The following MYLK3 variants were observed in gnomAD, a reference collection of about 807,000 sequenced individuals.
MYLK3 encodes MLC kinase.
Under a neutral mutation model 76.3 loss-of-function variants are expected in MYLK3, and 55 were observed. The ratio of observed to expected loss-of-function variants is 0.72; its 90% confidence interval spans 0.58 to 0.90. The LOEUF is 0.90. MYLK3 is among the 40% of genes least tolerant of loss of function. The probability of loss-of-function intolerance (pLI) is 0.00; values close to 1 mark genes in which losing one functional copy is unlikely to be tolerated. For missense variants in MYLK3, 973 were observed against 1,053.6 expected (o/e 0.92, Z 1.06); for synonymous variants, 416 against 425.4 (o/e 0.98, Z 0.27).
chr16:46,744,827 C>T (rs1596772086), intron 1 of MYLK3, among the ~76,000 whole-genome samples: 1 of 152,074 alleles, frequency 6.6e-6, no homozygotes, highest in African/African-American at 2.4e-5. Flanking sequence ...TAGTAAGACC[C>T]TGTCTCTAAA....
Position 46,712,787 on chromosome 16 carries a change from G to T in MYLK3, c.1986-11C>A, listed in dbSNP as rs1199646966. The T allele has an allele frequency of 1.3e-6, 2 of 1,581,692 alleles. No homozygotes were observed. Among genetic ancestry groups the T allele is most frequent in the Admixed American group, 3.6e-5 (2 of 55,630 alleles). On this transcript the variant is annotated splice_polypyrimidine_tract_variant and intron_variant, in intron 9 of 12. Transcript: ENST00000394809. ...TCTCGAGGCTTGTACCTGGGGAGAA[G>T]GGGAGGGTACAAAGAAGCATGGGGT...
In MYLK3 at chr16:46,721,146, G is replaced by A. The variant is rs1174426871; in HGVS notation, c.1962C>T (p.Ile654=). 2 of 1,614,160 alleles carry A rather than the reference G, an allele frequency of 1.2e-6. No homozygotes were observed. Among genetic ancestry groups the A allele is most frequent in the Admixed American group, 1.7e-5 (1 of 60,020 alleles). The change falls in exon 9 of 13, where the codon ATC becomes ATT. Residue 654 remains isoleucine, a synonymous_variant. Transcript: ENST00000394809. ...CVNQTGHQIK[I]IDFGLARRYK... Reference sequence around the variant, plus strand: ...ACCTTCTGGCCAGCCCAAAGTCAATGATCTTAATTTGATGTCCTGTCTGAT... The same window carrying A: ...ACCTTCTGGCCAGCCCAAAGTCAATAATCTTAATTTGATGTCCTGTCTGAT...
chr16:46,711,989 A>T (rs867969358), intron 10 of MYLK3, among the ~76,000 whole-genome samples: 15 of 116,372 alleles, frequency 1.3e-4, no homozygotes, highest in African/African-American at 4.7e-4. Context: ...TCAAGCCATA[A>T]TTTTTTTTTT....
intron 1 of MYLK3, among the ~76,000 whole-genome samples, chr16:46,753,598 G>A (rs1323479935): frequency 6.6e-6 from 1 of 152,160 alleles, no homozygotes; most frequent in Non-Finnish European, 1.5e-5. Context: ...GAGAAAATGA[G>A]AAACAGAAAG....
chr16:46,758,240 T>TACAC (rs376393359), intron 1 of MYLK3, among the ~76,000 whole-genome samples: 1 of 90,114 alleles, frequency 1.1e-5, no homozygotes, highest in Admixed American at 1.1e-4. Context: ...CACACTGCCA[T>TACAC]ACACACACAC....
At chr16:46,740,555 T>A (rs201410187) in intron 1 of MYLK3, among the ~76,000 whole-genome samples, 11,509 of 61,634 alleles carry the variant, frequency 0.19, 466 homozygotes, top group African/African-American at 0.23. Flanking sequence ...ATATATATTT[T>A]TTTTTTTTTT....
chr16:46,749,621 C>T (rs570926267), upstream of MYLK3, among the ~76,000 whole-genome samples: 1 of 152,298 alleles, frequency 6.6e-6, no homozygotes, highest in African/African-American at 2.4e-5. Flanking sequence ...TGGTGGCACG[C>T]ACCTGTGGAC....
intron 12 of MYLK3, among the ~76,000 whole-genome samples, chr16:46,708,642 CG>C (rs1966651509): frequency 6.6e-6 from 1 of 151,994 alleles, no homozygotes; most frequent in Non-Finnish European, 1.5e-5. Context: ...GTGTGTTTCC[CG>C]GTAAGTGTGT....
chr16:46,713,914 A>G (rs547971492), intron 9 of MYLK3, among the ~76,000 whole-genome samples: 4 of 152,360 alleles, frequency 2.6e-5, no homozygotes, highest in East Asian at 1.9e-4. Context: ...GGATTCCCTT[A>G]TCTTTTGAAG....
At chr16:46,725,434 T>C (rs1966839059) in intron 8 of MYLK3, among the ~76,000 whole-genome samples, 1 of 152,244 alleles carries the variant, frequency 6.6e-6, no homozygotes, top group South Asian at 2.1e-4. Flanking sequence ...ATGGCCGTTA[T>C]CAGGTTGAGG....
At chr16:46,745,581 T>C in intron 1 of MYLK3, among the ~76,000 whole-genome samples, 1 of 151,948 alleles carries the variant, frequency 6.6e-6, no homozygotes. Flanking sequence ...CCATCTCTAC[T>C]AAAAATACAA....
chr16:46,728,406 T>C (rs1320568362), intron 7 of MYLK3, among the ~76,000 whole-genome samples: 1 of 152,188 alleles, frequency 6.6e-6, no homozygotes. Context: ...TAATTTCCAA[T>C]GGTTAACAAC....
intron 1 of MYLK3, among the ~76,000 whole-genome samples, chr16:46,756,762 A>G (rs994821243): frequency 6.6e-6 from 1 of 152,184 alleles, no homozygotes; most frequent in South Asian, 2.1e-4. Context: ...CCTCATCTGC[A>G]CTGGGGGCCC....
intron 1 of MYLK3, chr16:46,757,581 G>A: frequency 1.0e-6 from 1 of 985,468 alleles, no homozygotes. Context: ...AACGCCCGGA[G>A]CGCTGGGAAT....
intron 4 of MYLK3, among the ~76,000 whole-genome samples, 181 bp from the exon 5 acceptor site, chr16:46,730,879 G>T (rs566413616): frequency 6.6e-6 from 1 of 152,192 alleles, no homozygotes; most frequent in Non-Finnish European, 1.5e-5. Context: ...AAGGGAGCCC[G>T]TGACAGACAG....
At chr16:46,710,884 A>C in intron 10 of MYLK3, 95 bp from the exon 11 acceptor site, 1 of 1,454,350 alleles carries the variant, frequency 6.9e-7, no homozygotes. Flanking sequence ...AAGTGGACCT[A>C]GCCAGAACCA....
chr16:46,720,675 C>T (rs973656990), intron 9 of MYLK3, among the ~76,000 whole-genome samples: 2 of 152,068 alleles, frequency 1.3e-5, no homozygotes, highest in Admixed American at 1.3e-4. Flanking sequence ...TACAGAAACA[C>T]CTACCCATGG....
intron 12 of MYLK3, among the ~76,000 whole-genome samples, chr16:46,708,577 C>T (rs1344698996): frequency 6.6e-6 from 1 of 152,138 alleles, no homozygotes; most frequent in African/African-American, 2.4e-5. Context: ...CATTCAGCCT[C>T]CCAAATAGCT....
chr16:46,739,168 A>G (rs40163), intron 2 of MYLK3, among the ~76,000 whole-genome samples: 120,144 of 151,914 alleles, frequency 0.79, 48,441 homozygotes, highest in East Asian at 1. Flanking sequence ...AAAAAATTTC[A>G]TAGTGATGGA....
Sources: gnomAD v4.1 joint callset for allele counts (sites outside exome capture counted in the v4.1 genomes callset) on GRCh38, gnomAD v4.1.1 for gene constraint, MANE v1.5 for transcripts, NCBI Gene and HGNC (gene_info 2026-07-23, HGNC 2026-07-21) for gene names.